FRMD5: variants seen among roughly 807,000 people sequenced by gnomAD.
FRMD5 encodes FERM domain containing 5.
A neutral mutation model predicts 69.0 loss-of-function variants in FRMD5; 20 were observed. That is an observed-to-expected ratio of 0.29 (90% confidence interval 0.20 to 0.42). The LOEUF (loss-of-function observed/expected upper bound fraction) is 0.42, where lower values mean the gene tolerates loss of function less well. Ranked by LOEUF, FRMD5 falls within the 10% of genes least tolerant of loss-of-function variation. The pLI, the probability that FRMD5 is intolerant of heterozygous loss-of-function variation, is 1.00. For synonymous variants in FRMD5, 271 were observed against 260.1 expected (o/e 1.04, Z -0.40); for missense variants, 595 against 708.6 (o/e 0.84, Z 1.82).
chr15:43,976,705 C>T (rs1409726217), intron 1 of FRMD5, among the ~76,000 whole-genome samples: 1 of 152,118 alleles, frequency 6.6e-6, no homozygotes, highest in Admixed American at 6.6e-5. Context: ...TTGCTCTTGT[C>T]GCCCAAGCTG....
At chr15:44,191,930 A>ATCTATC (rs2078203178) in intron 1 of FRMD5, among the ~76,000 whole-genome samples, 1 of 77,264 alleles carries the variant, frequency 1.3e-5, no homozygotes, top group African/African-American at 4.9e-5. Flanking sequence ...TATTATATAT[A>ATCTATC]TATATATATA....
intron 1 of FRMD5, among the ~76,000 whole-genome samples, chr15:44,033,344 CAT>C (rs758982713): frequency 4.6e-5 from 7 of 151,952 alleles, no homozygotes; most frequent in Non-Finnish European, 1.0e-4. Flanking sequence ...CCCTGTAACA[CAT>C]GTTTACATAT....
chr15:44,135,488 T>C lies in FRMD5; in HGVS notation c.102+59465A>G, dbSNP rs1230000952. Among the ~76,000 whole-genome samples, 3 of 152,196 alleles carry C rather than the reference T, an allele frequency of 2.0e-5. No individual in the cohort carries two copies. The East Asian group carries it at 5.8e-4, about 29-fold the overall frequency. On this transcript the variant is annotated intron_variant, in intron 1 of 13. Coordinates refer to ENST00000417257, the MANE Select transcript of FRMD5 (RefSeq NM_032892.5). ...CCTAATTATTATAGATTTTACTATA[T>C]TACAGACATTTCTCTGTGTTGTGAC...
At chr15:43,959,325 G>A (rs1595561126) in intron 1 of FRMD5, among the ~76,000 whole-genome samples, 2 of 152,136 alleles carry the variant, frequency 1.3e-5, no homozygotes, top group East Asian at 3.8e-4. Flanking sequence ...TTTCGAAGAC[G>A]AAATATTTTA....
At chr15:44,018,382 C>T (rs1466500283) in intron 1 of FRMD5, among the ~76,000 whole-genome samples, 2 of 152,098 alleles carry the variant, frequency 1.3e-5, no homozygotes, top group African/African-American at 2.4e-5. Flanking sequence ...AGTAAAGTGT[C>T]GAGCTACTCT....
At chr15:43,982,341 C>T (rs1333540607) in intron 1 of FRMD5, among the ~76,000 whole-genome samples, 2 of 152,198 alleles carry the variant, frequency 1.3e-5, no homozygotes, top group Non-Finnish European at 2.9e-5. Flanking sequence ...TGCTTCTTGA[C>T]ATCAAGGACA....
intron 1 of FRMD5, among the ~76,000 whole-genome samples, chr15:44,116,850 G>A (rs926705905): frequency 2.0e-5 from 3 of 152,136 alleles, no homozygotes; most frequent in African/African-American, 7.2e-5. Context: ...GGGAGGCTGA[G>A]GCGGGCGGAT....
chr15:44,178,163 AAC>A, intron 1 of FRMD5, among the ~76,000 whole-genome samples: 1 of 152,052 alleles, frequency 6.6e-6, no homozygotes, highest in African/African-American at 2.4e-5. Flanking sequence ...CTCTACTAAA[AAC>A]ACACAAAAAT....
chr15:44,098,137 C>T (rs1486065323), intron 1 of FRMD5, among the ~76,000 whole-genome samples: 1 of 63,126 alleles, frequency 1.6e-5, no homozygotes, highest in Non-Finnish European at 3.8e-5. Context: ...AACTAAACAA[C>T]AACAACAAAA....
intron 1 of FRMD5, among the ~76,000 whole-genome samples, chr15:44,010,996 A>G (rs1410857414): frequency 3.3e-5 from 5 of 152,204 alleles, no homozygotes; most frequent in Non-Finnish European, 7.3e-5. Context: ...GAGATAAAAT[A>G]TGAACACTAA....
At chr15:43,999,988 ATG>A (rs1255188574) in intron 1 of FRMD5, among the ~76,000 whole-genome samples, 71 of 62,658 alleles carry the variant, frequency 1.1e-3, no homozygotes, top group African/African-American at 2.1e-3. Flanking sequence ...ATATATATAT[ATG>A]TGCCATGATT....
chr15:44,143,611 C>T (rs775202857), intron 1 of FRMD5, among the ~76,000 whole-genome samples: 3 of 150,518 alleles, frequency 2.0e-5, no homozygotes, highest in African/African-American at 4.9e-5. Flanking sequence ...GGTATCAGAA[C>T]GCATTACTAG....
At chr15:44,031,427 A>G (rs1272534872) in intron 1 of FRMD5, among the ~76,000 whole-genome samples, 2 of 152,186 alleles carry the variant, frequency 1.3e-5, no homozygotes, top group Non-Finnish European at 2.9e-5. Flanking sequence ...GGAGGCTGAG[A>G]ATCTAAGATT....
upstream of FRMD5, among the ~76,000 whole-genome samples, chr15:44,196,747 TC>T (rs1566999500): frequency 1.6e-5 from 2 of 121,238 alleles, no homozygotes; most frequent in Non-Finnish European, 3.4e-5. Flanking sequence ...TCTCTCTCTC[TC>T]TCTTTCTCTC....
At chr15:44,040,273 T>A (rs1566914297) in intron 1 of FRMD5, among the ~76,000 whole-genome samples, 1 of 152,060 alleles carries the variant, frequency 6.6e-6, no homozygotes, top group Non-Finnish European at 1.5e-5. Flanking sequence ...TTCCCCAACC[T>A]AACAAGGCAT....
intron 7 of FRMD5, among the ~76,000 whole-genome samples, chr15:43,896,740 G>A (rs986836774): frequency 6.6e-6 from 1 of 152,178 alleles, no homozygotes; most frequent in Non-Finnish European, 1.5e-5. Flanking sequence ...AGCATTCTTG[G>A]TTGTTAGGCC....
intron 1 of FRMD5, among the ~76,000 whole-genome samples, chr15:44,118,566 T>C (rs1056884028): frequency 6.6e-6 from 1 of 152,208 alleles, no homozygotes; most frequent in African/African-American, 2.4e-5. Context: ...TGTCTTCTTT[T>C]CATTTCCTAT....
intron 1 of FRMD5, among the ~76,000 whole-genome samples, chr15:44,017,377 CCT>C (rs2140240269): frequency 6.6e-6 from 1 of 151,798 alleles, no homozygotes; most frequent in South Asian, 2.1e-4. Context: ...TGGCACCCGA[CCT>C]CTGATAGAAT....
intron 1 of FRMD5, among the ~76,000 whole-genome samples, chr15:44,155,668 A>G (rs1226713530): frequency 6.6e-6 from 1 of 151,632 alleles, no homozygotes. Flanking sequence ...ATCTCGGCTC[A>G]CTGCAACCTC....
Sources: allele counts gnomAD v4.1 joint callset (sites outside exome capture counted in the v4.1 genomes callset), GRCh38; gene constraint gnomAD v4.1.1; transcripts MANE v1.5; gene names NCBI Gene and HGNC (gene_info 2026-07-23, HGNC 2026-07-21).